RIPOR2: variants seen among roughly 807,000 people sequenced by gnomAD.
RIPOR2 encodes the protein rho family-interacting cell polarization regulator 2.
In RIPOR2, 39 loss-of-function variants were observed where a neutral mutation model predicts 114.5. That is an observed-to-expected ratio of 0.34 (90% CI 0.26 to 0.44). The LOEUF (loss-of-function observed/expected upper bound fraction) is 0.44. Ranked by LOEUF, RIPOR2 falls within the 20% of genes least tolerant of loss-of-function variation. The pLI is 1.00. For synonymous variants in RIPOR2, 445 were observed against 484.4 expected, an observed-to-expected ratio of 0.92 and a Z score of 1.07; for missense variants, 1,007 against 1,255.1, an observed-to-expected ratio of 0.80 and a Z score of 2.99.
intron 1 of RIPOR2, chr6:25,023,840 TG>T: frequency 1.4e-6 from 1 of 737,790 alleles, no homozygotes. Flanking sequence ...TCAGGGGTGT[TG>T]GGGGCTTTGA....
chr6:24,863,958 T>C (rs991660512), intron 7 of RIPOR2, among the ~76,000 whole-genome samples: 9 of 152,226 alleles, frequency 5.9e-5, no homozygotes, highest in African/African-American at 1.4e-4. Flanking sequence ...TGTATTTCAA[T>C]ATATTTTCTT....
chr6:25,004,789 G>A (rs1472515225), intron 1 of RIPOR2, among the ~76,000 whole-genome samples: 1 of 152,014 alleles, frequency 6.6e-6, no homozygotes, highest in Non-Finnish European at 1.5e-5. Flanking sequence ...GTGTGTGTGT[G>A]TTTGTATGTA....
intron 2 of RIPOR2, 105 bp downstream of exon 2, chr6:24,875,586 C>T (rs2255337): frequency 1.1e-5 from 11 of 1,025,624 alleles, no homozygotes; most frequent in Non-Finnish European, 1.4e-5. Flanking sequence ...GGGAGGAGGC[C>T]GGGGGGCGGT....
chr6:24,927,873 G>A (rs1006244528), intron 1 of RIPOR2, among the ~76,000 whole-genome samples: 1 of 152,178 alleles, frequency 6.6e-6, no homozygotes, highest in Non-Finnish European at 1.5e-5. Flanking sequence ...CCCTCAGTTT[G>A]GAAGTCTGGA....
intron 13 of RIPOR2, among the ~76,000 whole-genome samples, chr6:24,842,266 A>G (rs1581556328): frequency 6.6e-6 from 1 of 151,902 alleles, no homozygotes; most frequent in East Asian, 1.9e-4. Context: ...TTCTCATCTT[A>G]CCCTCCCACC....
At position 24,806,592 on chromosome 6, in the gene RIPOR2, G is replaced by A. The variant is rs369466238; in HGVS notation, c.3044-119C>T. ...GCTATAATATGCTATGCTAACTTTTGGTAAGGAAAAGTTATCTTTTGTTAT... is the reference window on the plus strand; with the variant it reads ...GCTATAATATGCTATGCTAACTTTTAGTAAGGAAAAGTTATCTTTTGTTAT... On this transcript the variant is annotated intron_variant, in intron 21 of 21. Coordinates refer to ENST00000643898, the MANE Select transcript of RIPOR2 (RefSeq NM_001286445.3). The A allele has an allele frequency of 6.2e-4, 418 of 677,892 alleles. 8 individuals are homozygous for A. The South Asian group carries it at 6.5e-3, about 11-fold the overall frequency. 42.0% of individuals were successfully genotyped at this position (677,892 alleles called of 1,614,324 possible).
At chr6:24,904,456 G>A (rs532885144) in intron 1 of RIPOR2, among the ~76,000 whole-genome samples, 2 of 152,254 alleles carry the variant, frequency 1.3e-5, no homozygotes, top group Admixed American at 6.5e-5. Flanking sequence ...TGCTTTTAAG[G>A]ACAAATAGAA....
chr6:24,931,179 A>T (rs1312491685), intron 1 of RIPOR2, among the ~76,000 whole-genome samples: 1 of 152,242 alleles, frequency 6.6e-6, no homozygotes, highest in Non-Finnish European at 1.5e-5. Flanking sequence ...ATTCCAGATT[A>T]TACCAGATTG....
chr6:24,835,260 G>C lies in RIPOR2; in HGVS notation c.2208+443C>G, dbSNP rs548146671. On this transcript the variant is annotated intron_variant, in intron 15 of 21. Transcript: ENST00000643898. ...TTGCTAATAAGAATTACTTATTCAA[G>C]GTCCAGGAGACTGTGGTTAGATTCT... Among the ~76,000 whole-genome samples the C allele has an allele frequency of 1.8e-4, 27 of 152,292 alleles. No homozygotes were observed. In the South Asian group the frequency reaches 5.2e-3, roughly 29 times the overall value.
Position 24,924,049 on chromosome 6 carries a change from T to C in RIPOR2, c.61+11789A>G, listed in dbSNP as rs146813155. The stretch of plus-strand genomic sequence containing the variant: ...TGTTTTGAAAAGGCTTTCTTGTTCT[T>C]GAATTAACATGCAGGCTGAGCAGAC... On this transcript the variant is annotated intron_variant, in intron 1 of 21. Coordinates refer to ENST00000643898, the MANE Select transcript of RIPOR2 (RefSeq NM_001286445.3). Among the ~76,000 whole-genome samples, 246 of 152,168 alleles carry C rather than the reference T, an allele frequency of 1.6e-3. 1 individual carries two copies. Among genetic ancestry groups the C allele is most frequent in the African/African-American group, 5.5e-3 (229 of 41,492 alleles).
In RIPOR2 at chr6:24,907,943, T is replaced by A. The variant is rs117612378; in HGVS notation, c.61+27895A>T. Among the ~76,000 whole-genome samples, 376 of 152,208 alleles carry A rather than the reference T, an allele frequency of 2.5e-3. 2 individuals are homozygous for A. The South Asian group carries it at 0.028, about 11-fold the overall frequency. ...TTGCCTTTGGGGAGCCAATTATGAG[T>A]GACTGGGCTATCTGTACCTCCTCTC... On this transcript the variant is annotated intron_variant, in intron 1 of 21. Coordinates refer to ENST00000643898, the MANE Select transcript of RIPOR2 (RefSeq NM_001286445.3).
At chr6:24,935,512 T>C (rs1771741231) in intron 1 of RIPOR2, among the ~76,000 whole-genome samples, 1 of 152,134 alleles carries the variant, frequency 6.6e-6, no homozygotes, top group Non-Finnish European at 1.5e-5. Context: ...TGACAGGCTT[T>C]CCTTAAGGTG....
At chr6:24,927,821 A>C (rs1771072235) in intron 1 of RIPOR2, among the ~76,000 whole-genome samples, 1 of 152,224 alleles carries the variant, frequency 6.6e-6, no homozygotes, top group South Asian at 2.1e-4. Context: ...AGGTTTTATG[A>C]GTTCAAATAT....
chr6:24,865,979 T>C (rs1764562824), intron 6 of RIPOR2, among the ~76,000 whole-genome samples: 1 of 152,164 alleles, frequency 6.6e-6, no homozygotes, highest in Admixed American at 6.5e-5. Flanking sequence ...CTAATATCAC[T>C]TTAAGAGGTA....
chr6:25,031,698 GTTATATATATATATATATATATATATAT>G (rs1298129134), intron 1 of RIPOR2, among the ~76,000 whole-genome samples: 1 of 47,996 alleles, frequency 2.1e-5, no homozygotes. Context: ...GTAGGTGGTA[GTTATATATATATATATATATATATATAT>G]ATATATATAT....
chr6:24,849,923 G>T lies in RIPOR2; in HGVS notation c.913C>A (p.His305Asn). The T allele has an allele frequency of 1.2e-6, 2 of 1,613,828 alleles. No individual in the cohort carries two copies. Among genetic ancestry groups the T allele is most frequent in the Middle Eastern group, 1.6e-4 (1 of 6,062 alleles). Reference protein sequence around the residue: ...KVTELKGLATHILVGSVTCET... With the variant: ...KVTELKGLATNILVGSVTCET... ...CAGGTCACGCTACCTACCAGGATGT[G>T]AGTTGCTAGCCCTTTGAGCTCCGTG... Residue 305 changes from histidine (H) to asparagine (N), a missense_variant, in exon 11 of 22, where the codon CAC becomes AAC. Physicochemically the swap from His to Asn is moderately conservative, Grantham distance 68 (BLOSUM62 1). Transcript: ENST00000643898.
At chr6:24,908,403 A>T (rs1274097159) in intron 1 of RIPOR2, among the ~76,000 whole-genome samples, 1 of 152,250 alleles carries the variant, frequency 6.6e-6, no homozygotes, top group Non-Finnish European at 1.5e-5. Context: ...CAGCCATTTA[A>T]TATAAAACCT....
intron 1 of RIPOR2, among the ~76,000 whole-genome samples, chr6:25,024,782 G>A (rs73729598): frequency 1.2e-4 from 18 of 152,266 alleles, no homozygotes; most frequent in African/African-American, 4.1e-4. Context: ...GGTGAGTATC[G>A]GACTTAGCTG....
chr6:25,011,548 G>A (rs1775775243), intron 1 of RIPOR2, among the ~76,000 whole-genome samples: 2 of 152,248 alleles, frequency 1.3e-5, no homozygotes, highest in Admixed American at 6.5e-5. Flanking sequence ...TATAATGTGT[G>A]AGGGGAATTG....
Sources: gnomAD v4.1 joint callset for allele counts (sites outside exome capture counted in the v4.1 genomes callset) on GRCh38, gnomAD v4.1.1 for gene constraint, MANE v1.5 for transcripts, NCBI Gene and HGNC (gene_info 2026-07-23, HGNC 2026-07-21) for gene names.